Variants in BCL2L13 observed in about 807,000 individuals in gnomAD.
The protein encoded by BCL2L13 is bcl-2-like protein 13.
BCL2L13 carries 13 observed loss-of-function variants against 25.8 expected under a neutral mutation model. That is an observed-to-expected ratio of 0.50 (90% CI 0.33 to 0.80). The LOEUF (loss-of-function observed/expected upper bound fraction) is 0.80, where lower values mean the gene tolerates loss of function less well. Among genes scored for constraint, BCL2L13 ranks in the 30% least tolerant of loss-of-function variants. The probability of loss-of-function intolerance (pLI) is 0.02; values close to 1 mark genes in which losing one functional copy is unlikely to be tolerated. For synonymous variants in BCL2L13, 244 were observed against 230.3 expected, an observed-to-expected ratio of 1.06 and a Z score of -0.54; for missense variants, 504 against 574.9, an observed-to-expected ratio of 0.88 and a Z score of 1.26.
intron 1 of BCL2L13, among the ~76,000 whole-genome samples, chr22:17,647,945 G>A (rs2058550789): frequency 6.6e-6 from 1 of 151,958 alleles, no homozygotes; most frequent in Non-Finnish European, 1.5e-5. Context: ...TGGCTAACAC[G>A]GTGAAACCCC....
chr22:17,705,313 T>C (rs1431007598), intron 6 of BCL2L13, among the ~76,000 whole-genome samples: 2 of 151,836 alleles, frequency 1.3e-5, no homozygotes, highest in Admixed American at 1.3e-4. Context: ...TTTTTTTTTT[T>C]TTCAGATGTA....
At chr22:17,680,539 AAAG>A (rs1344118027) in intron 2 of BCL2L13, among the ~76,000 whole-genome samples, 9,376 of 43,484 alleles carry the variant, frequency 0.22, 2,980 homozygotes, top group Non-Finnish European at 0.26. Context: ...AAAAAAAAAA[AAAG>A]AAAAAAAGAC....
At chr22:17,646,951 A>ATTT (rs1176648214) in intron 1 of BCL2L13, among the ~76,000 whole-genome samples, 61 of 21,880 alleles carry the variant, frequency 2.8e-3, no homozygotes, top group African/African-American at 5.6e-3. Context: ...ATATATATAT[A>ATTT]TATATTTTTT....
At chr22:17,721,368 TTTG>T (rs1052514159) in intron 6 of BCL2L13, among the ~76,000 whole-genome samples, 10 of 152,040 alleles carry the variant, frequency 6.6e-5, no homozygotes, top group Admixed American at 2.0e-4. Flanking sequence ...TTTTTAAATT[TTTG>T]TTATTTTTTA....
intron 1 of BCL2L13, among the ~76,000 whole-genome samples, chr22:17,647,165 G>A (rs546001220): frequency 4.1e-4 from 62 of 151,204 alleles, no homozygotes; most frequent in African/African-American, 1.5e-3. Flanking sequence ...TAGTAGAGAC[G>A]GGGTTTCACC....
At chr22:17,637,454 A>G (rs1409089131), upstream of BCL2L13, among the ~76,000 whole-genome samples, 3 of 149,184 alleles carry the variant, frequency 2.0e-5, no homozygotes, top group African/African-American at 7.4e-5. Context: ...ATTTCACTGC[A>G]ACCTTTGCCT....
chr22:17,652,472 C>G (rs560267974), intron 1 of BCL2L13, among the ~76,000 whole-genome samples: 1 of 151,998 alleles, frequency 6.6e-6, no homozygotes, highest in Non-Finnish European at 1.5e-5. Flanking sequence ...GAGTCTTGTT[C>G]TTGTTGCCCA....
chr22:17,658,134 G>A (rs970410079), intron 2 of BCL2L13, among the ~76,000 whole-genome samples: 4 of 151,748 alleles, frequency 2.6e-5, no homozygotes, highest in Non-Finnish European at 4.4e-5. Context: ...TTTCTTTATC[G>A]TCCAATTCAC....
At position 17,685,692 on chromosome 22, in the gene BCL2L13, A is replaced by T. The variant is rs150906950; in HGVS notation, c.229+2371A>T. On this transcript the variant is annotated intron_variant, in intron 3 of 6. Transcript: ENST00000317582. The stretch of plus-strand genomic sequence containing the variant: ...TTCTACTTGTTTACTATTATGTATA[A>T]TGCTGCTGTGAATATTCTTGTGCAA... Among the ~76,000 whole-genome samples, 735 of 150,046 alleles carry T rather than the reference A, an allele frequency of 4.9e-3. 9 individuals are homozygous for T. Among genetic ancestry groups the T allele is most frequent in the African/African-American group, 0.017 (691 of 40,898 alleles).
intron 2 of BCL2L13, among the ~76,000 whole-genome samples, chr22:17,667,109 T>C (rs1354551478): frequency 3.9e-5 from 6 of 152,234 alleles, no homozygotes; most frequent in Admixed American, 1.3e-4. Flanking sequence ...GGAGTGCAGA[T>C]AGCTCTTTGA....
At chr22:17,676,173 T>C (rs1315048769) in intron 2 of BCL2L13, among the ~76,000 whole-genome samples, 1 of 152,154 alleles carries the variant, frequency 6.6e-6, no homozygotes, top group East Asian at 1.9e-4. Flanking sequence ...TTTCCCATTT[T>C]ATATAAGAGG....
chr22:17,666,181 A>T (rs2059224953), intron 2 of BCL2L13, among the ~76,000 whole-genome samples: 1 of 150,224 alleles, frequency 6.7e-6, no homozygotes. Context: ...TTTTATTTTT[A>T]ATTTTAATTT....
rs1252499490 is a variant in BCL2L13, at chr22:17,726,784, T to G, written c.708T>G (p.Ser236Arg). 6.2e-7 allele frequency: 1 copy of G among 1,614,008 alleles called. No individual in the cohort carries two copies. The highest frequency in any genetic ancestry group is 8.5e-7 in the Non-Finnish European group (1 of 1,180,028). ...CCAGCGACAACTCTGGACAAGTCAG[T>G]CCCCCAGAGTCTCCAACTGTGACCA... is the stretch of plus-strand genomic sequence containing the variant. ...ILPSDNSGQV[S>R]PPESPTVTTS... The change falls in exon 7 of 7, where the codon AGT becomes AGG. Residue 236 changes from serine (S) to arginine (R), a missense_variant. Coordinates refer to ENST00000317582, the MANE Select transcript of BCL2L13 (RefSeq NM_015367.4).
rs1569007500 is a variant in BCL2L13, at chr22:17,715,143, TATATATATATATATATATATATA to T, written c.601-11533_601-11511del. ...AATTTTATATATATATATATATATA[TATATATATATATATATATATATA>T]TATATTTTTTTTTTTTTTTTTTTTT... is the stretch of plus-strand genomic sequence containing the variant. On this transcript the variant is annotated intron_variant, in intron 6 of 6. Coordinates refer to ENST00000317582, the MANE Select transcript of BCL2L13 (RefSeq NM_015367.4). 7.9e-3 allele frequency among the ~76,000 whole-genome samples: 82 copies of T among 10,344 alleles called. 5 individuals are homozygous for T. The highest frequency in any genetic ancestry group is 0.013 in the East Asian group (9 of 668). 6.8% of individuals were successfully genotyped at this position (10,344 alleles called of 152,430 possible).
intron 5 of BCL2L13, among the ~76,000 whole-genome samples, chr22:17,700,119 G>T (rs186372659): frequency 6.6e-6 from 1 of 152,162 alleles, no homozygotes; most frequent in Admixed American, 6.6e-5. Flanking sequence ...TGACATTTCT[G>T]CTCTGTGGTT....
intron 1 of BCL2L13, among the ~76,000 whole-genome samples, chr22:17,653,714 G>T (rs533281260): frequency 6.6e-6 from 1 of 151,886 alleles, no homozygotes; most frequent in Non-Finnish European, 1.5e-5. Flanking sequence ...GTGTTGTCCA[G>T]TCTGGTCTTG....
chr22:17,652,791 G>A lies in BCL2L13; in HGVS notation c.-50-2871G>A, dbSNP rs932212137. Among the ~76,000 whole-genome samples, 8 of 152,130 alleles carry A rather than the reference G, an allele frequency of 5.3e-5. No individual in the cohort carries two copies. In the East Asian group the frequency reaches 5.8e-4, roughly 11 times the overall value. ...GTGAAAAAACAGAGTGAGGCCAGGCGCGGTGGCTCAAGCCTGTAATCCCAG... is the reference window on the plus strand; with the variant it reads ...GTGAAAAAACAGAGTGAGGCCAGGCACGGTGGCTCAAGCCTGTAATCCCAG... On this transcript the variant is annotated intron_variant, in intron 1 of 6. Transcript: ENST00000317582.
intron 1 of BCL2L13, among the ~76,000 whole-genome samples, chr22:17,643,177 A>G (rs1038004784): frequency 6.6e-6 from 1 of 152,240 alleles, no homozygotes. Flanking sequence ...TTAATTGGAA[A>G]GGGGGTAGTG....
intron 2 of BCL2L13, among the ~76,000 whole-genome samples, chr22:17,657,844 T>TTTTTTTTTA (rs2058931158): frequency 1.5e-5 from 2 of 133,980 alleles, no homozygotes; most frequent in Non-Finnish European, 3.2e-5. Context: ...TTTTTTTTTT[T>TTTTTTTTTA]GAGATGAGTC....
Sources: allele counts gnomAD v4.1 joint callset (sites outside exome capture counted in the v4.1 genomes callset), GRCh38; gene constraint gnomAD v4.1.1; transcripts MANE v1.5; gene names NCBI Gene and HGNC (gene_info 2026-07-23, HGNC 2026-07-21).